PACS2: variants seen among roughly 807,000 people sequenced by gnomAD.
PACS2 encodes the protein PACS1-like protein.
Under a neutral mutation model 113.0 loss-of-function variants are expected in PACS2, and 36 were observed. That is an observed-to-expected ratio of 0.32 (90% CI 0.24 to 0.42). The LOEUF (loss-of-function observed/expected upper bound fraction) is 0.42, where lower values mean the gene tolerates loss of function less well. PACS2 is among the 10% of genes least tolerant of loss of function. The probability of loss-of-function intolerance (pLI) is 1.00; values close to 1 mark genes in which losing one functional copy is unlikely to be tolerated. For missense variants in PACS2, 1,015 were observed against 1,239.5 expected, an observed-to-expected ratio of 0.82 and a Z score of 2.72; for synonymous variants, 589 against 536.1, an observed-to-expected ratio of 1.10 and a Z score of -1.36.
upstream of PACS2, among the ~76,000 whole-genome samples, chr14:105,311,205 C>T (rs1228823808): frequency 1.3e-5 from 2 of 152,128 alleles, no homozygotes; most frequent in Non-Finnish European, 2.9e-5. Context: ...CCACCCACTT[C>T]GGCCTCCCAA....
At chr14:105,305,042 A>G (rs1221317353) in intron 1 of PACS2, among the ~76,000 whole-genome samples, 2 of 152,110 alleles carry the variant, frequency 1.3e-5, no homozygotes, top group African/African-American at 2.4e-5. Flanking sequence ...GGTTTTAGAG[A>G]GGTGGGGCCT....
chr14:105,363,761 C>T (rs1485884807), intron 4 of PACS2, among the ~76,000 whole-genome samples: 1 of 152,178 alleles, frequency 6.6e-6, no homozygotes, highest in Non-Finnish European at 1.5e-5. Context: ...GGGCCTCGCC[C>T]TCACCCTGTC....
At chr14:105,333,738 C>T (rs2059392100) in intron 1 of PACS2, among the ~76,000 whole-genome samples, 1 of 152,206 alleles carries the variant, frequency 6.6e-6, no homozygotes, top group Admixed American at 6.5e-5. Context: ...CCACACAGAC[C>T]CAGGGCTGGC....
chr14:105,319,305 A>G (rs1487968052), intron 1 of PACS2, among the ~76,000 whole-genome samples: 1 of 152,244 alleles, frequency 6.6e-6, no homozygotes, highest in African/African-American at 2.4e-5. Flanking sequence ...GAAGTTCTTT[A>G]ACTCTGTAGA....
rs1446684062 is a variant in PACS2 at position 105,381,906 on chromosome 14, C to T, written c.1269-8C>T. 1.9e-6 allele frequency: 3 copies of T among 1,550,080 alleles called. No homozygotes were observed. Among genetic ancestry groups the T allele is most frequent in the Non-Finnish European group, 2.6e-6 (3 of 1,146,644 alleles). ...CACAGCCACTTAGCCTGTCCTGGTC[C>T]CCAATAGGTCCGAGGGGAAGCAGGC... On this transcript the variant is annotated splice_polypyrimidine_tract_variant and splice_region_variant and intron_variant, in intron 12 of 24. Transcript: ENST00000447393.
In PACS2 at chr14:105,382,213, G is replaced by A. The variant is rs1225874827; in HGVS notation, c.1413+155G>A. ...AGGGCTCCTGCTACACAGCAGGGCG[G>A]GCGGGCCATGGGTTGGTTTGTCAGG... On this transcript the variant is annotated intron_variant, in intron 13 of 24. Transcript: ENST00000447393. 2.6e-5 allele frequency among the ~76,000 whole-genome samples: 4 copies of A among 152,230 alleles called. No individual in the cohort carries two copies. In the East Asian group the frequency reaches 7.7e-4, roughly 29 times the overall value.
Position 105,366,494 on chromosome 14 carries a change from C to T in PACS2, c.424-719C>T, listed in dbSNP as rs1555407953. ...GTCGTCATGGCGTGTGGTTCTGAGG[C>T]TGGCGTGGGGCACGGCGGGGCTGTG... On this transcript the variant is annotated intron_variant, in intron 4 of 24. Coordinates refer to ENST00000447393, the MANE Select transcript of PACS2 (RefSeq NM_001100913.3). This position sits in a 1 kb window ranked among gnomAD's most constrained non-coding sequence, Gnocchi z 4.3. Among the ~76,000 whole-genome samples the T allele has an allele frequency of 6.6e-6, 1 of 152,248 alleles. No homozygotes were observed. Among genetic ancestry groups the T allele is most frequent in the Non-Finnish European group, 1.5e-5 (1 of 68,054 alleles).
rs1189083819 is a variant in PACS2 at position 105,376,692 on chromosome 14, T to A, written c.802-76T>A. The A allele has an allele frequency of 1.4e-6, 2 of 1,440,194 alleles. No homozygotes were observed. Among genetic ancestry groups the A allele is most frequent in the African/African-American group, 2.8e-5 (2 of 70,602 alleles). 89.2% of individuals were successfully genotyped at this position (1,440,194 alleles called of 1,614,324 possible). On this transcript the variant is annotated intron_variant, in intron 8 of 24. Transcript: ENST00000447393. This position sits in a 1 kb window ranked among gnomAD's most constrained non-coding sequence, Gnocchi z 4.7. ...CCCGCCTCCTATTGCTCCTGCAGAC[T>A]CTGGGGTCTCGGGCGCCCCCAGTGG...
intron 12 of PACS2, 88 bp downstream of exon 12, chr14:105,381,187 C>T: frequency 8.4e-7 from 1 of 1,196,240 alleles, no homozygotes; most frequent in East Asian, 2.5e-5. Flanking sequence ...GGGTGCGTGT[C>T]AGTCCATCCT....
Position 105,348,267 on chromosome 14 carries a change from ACCTC to A in PACS2, c.120-225_120-222del, listed in dbSNP as rs2060017917. On this transcript the variant is annotated intron_variant, in intron 1 of 24. Coordinates refer to ENST00000447393, the MANE Select transcript of PACS2 (RefSeq NM_001100913.3). This position sits in a 1 kb window ranked among gnomAD's most constrained non-coding sequence, Gnocchi z 6.4. ...CCCTCAGGGGCCTTCAGGAGATGGG[ACCTC>A]TGGCCCGGCAGCCAACGGATGCTGA... 6.6e-6 allele frequency among the ~76,000 whole-genome samples: 1 copy of A among 151,884 alleles called. No homozygotes were observed. Among genetic ancestry groups the A allele is most frequent in the South Asian group, 2.1e-4 (1 of 4,820 alleles).
At chr14:105,352,768 G>A (rs2060244564) in intron 3 of PACS2, among the ~76,000 whole-genome samples, 1 of 142,714 alleles carries the variant, frequency 7.0e-6, no homozygotes, top group Admixed American at 6.8e-5. Flanking sequence ...TGTACCCTGG[G>A]GAGACAGGCC....
intron 13 of PACS2, among the ~76,000 whole-genome samples, 160 bp downstream of exon 13, chr14:105,382,218 G>A (rs1324824165): frequency 2.0e-5 from 3 of 152,226 alleles, no homozygotes; most frequent in East Asian, 3.9e-4. Flanking sequence ...GGGCGGGCGG[G>A]CCATGGGTTG....
intron 8 of PACS2, chr14:105,372,853 G>A (rs1438137420): frequency 6.6e-6 from 1 of 151,956 alleles, no homozygotes; most frequent in African/African-American, 2.4e-5. Context: ...AGTAAGCCAA[G>A]ATGGGGCCAC....
At chr14:105,337,765 C>G (rs1211173931) in intron 1 of PACS2, among the ~76,000 whole-genome samples, 1 of 152,236 alleles carries the variant, frequency 6.6e-6, no homozygotes, top group Non-Finnish European at 1.5e-5. Flanking sequence ...TGTCCCACCC[C>G]TGGACAAGGG....
intron 19 of PACS2, among the ~76,000 whole-genome samples, chr14:105,386,964 G>A (rs1317092095): frequency 6.6e-6 from 1 of 152,190 alleles, no homozygotes; most frequent in African/African-American, 2.4e-5. Context: ...GGACGCAGCT[G>A]CTTGTATCTC....
At chr14:105,313,944 C>T (rs1239661096), upstream of PACS2, among the ~76,000 whole-genome samples, 1 of 152,258 alleles carries the variant, frequency 6.6e-6, no homozygotes, top group Non-Finnish European at 1.5e-5. Flanking sequence ...CACTGTTAAC[C>T]CCAGGGCCAG....
chr14:105,394,056 A>AAGG (rs1273855602), intron 24 of PACS2, among the ~76,000 whole-genome samples: 5 of 144,656 alleles, frequency 3.5e-5, no homozygotes, highest in African/African-American at 1.1e-4. Context: ...AAAAAAAAAA[A>AAGG]GGGGTTTTGG....
rs778883276 is a variant in PACS2, at chr14:105,330,505, C to T, written c.119+15468C>T. ...GTTTTCTTTCCGAGCACTCAATGCT[C>T]ACCTCCTGGGAGGGAGTGGGGCCGC... On this transcript the variant is annotated intron_variant, in intron 1 of 24. Transcript: ENST00000447393. This position sits in a 1 kb window ranked among gnomAD's most constrained non-coding sequence, Gnocchi z 6.9. Among the ~76,000 whole-genome samples, 3 of 152,180 alleles carry T rather than the reference C, an allele frequency of 2.0e-5. No homozygotes were observed. Among genetic ancestry groups the T allele is most frequent in the Non-Finnish European group, 4.4e-5 (3 of 68,022 alleles).
chr14:105,371,656 CCTG>C (rs147541769), intron 8 of PACS2: 48 of 152,380 alleles, frequency 3.2e-4, no homozygotes, highest in African/African-American at 1.2e-3. Context: ...GAGTGCCACA[CCTG>C]GCACTGCCCC....
Sources: allele counts gnomAD v4.1 joint callset (sites outside exome capture counted in the v4.1 genomes callset), GRCh38; gene constraint gnomAD v4.1.1; non-coding constraint Gnocchi (gnomAD v3.1); transcripts MANE v1.5; gene names NCBI Gene and HGNC (gene_info 2026-07-23, HGNC 2026-07-21).